TBCD: variants seen among roughly 807,000 people sequenced by gnomAD.
TBCD encodes tubulin-specific chaperone D.
Under a neutral mutation model 169.3 loss-of-function variants are expected in TBCD, and 105 were observed. That is an observed-to-expected ratio of 0.62 (90% CI 0.53 to 0.73). TBCD has a LOEUF of 0.73. Among genes scored for constraint, TBCD ranks in the 30% least tolerant of loss-of-function variants. The pLI is 0.00. For missense variants in TBCD, 1,444 were observed against 1,600.1 expected (o/e 0.90, Z 1.66); for synonymous variants, 700 against 643.9 (o/e 1.09, Z -1.32).
chr17:82,771,047 CA>C (rs36015818), intron 5 of TBCD, among the ~76,000 whole-genome samples: 4,271 of 38,646 alleles, frequency 0.11, 36 homozygotes, highest in African/African-American at 0.2. Flanking sequence ...GACTCCGTCT[CA>C]AAAAAAAAAA....
intron 13 of TBCD, among the ~76,000 whole-genome samples, chr17:82,861,048 T>C (rs1413511886): frequency 1.3e-5 from 2 of 152,188 alleles, no homozygotes; most frequent in East Asian, 3.8e-4. Context: ...CCGCGGCCCG[T>C]TGCAAGAAGA....
rs935465480 is a variant in TBCD at position 82,789,928 on chromosome 17, G to A, written c.772-7829G>A. On this transcript the variant is annotated intron_variant, in intron 7 of 38. Transcript: ENST00000355528. This position sits in a 1 kb window ranked among gnomAD's most constrained non-coding sequence, Gnocchi z 4.8. ...CTTCTGTGCTGCTGTCCGTGCATAC[G>A]GCCCAGGAGCCGGGCTCATCCCCGA... Among the ~76,000 whole-genome samples, 3 of 152,166 alleles carry A rather than the reference G, an allele frequency of 2.0e-5. No homozygotes were observed. Among genetic ancestry groups the A allele is most frequent in the African/African-American group, 7.2e-5 (3 of 41,438 alleles).
At chr17:82,764,575 G>T (rs546265939) in intron 3 of TBCD, among the ~76,000 whole-genome samples, 145 of 152,304 alleles carry the variant, frequency 9.5e-4, no homozygotes, top group African/African-American at 2.7e-3. Context: ...AACCTGAGAG[G>T]CAGAGGTTGC....
intron 23 of TBCD, among the ~76,000 whole-genome samples, chr17:82,917,576 A>C (rs1432768095): frequency 6.6e-6 from 1 of 152,224 alleles, no homozygotes; most frequent in Non-Finnish European, 1.5e-5. Context: ...TGAGGTCTGC[A>C]ATGTTCTCCT....
intron 37 of TBCD, 40 bp from the exon 38 acceptor site, chr17:82,941,359 T>G: frequency 6.5e-7 from 1 of 1,532,310 alleles, no homozygotes; most frequent in Admixed American, 1.9e-5. Flanking sequence ...GGTTCTCCGG[T>G]GGGCACTCGA....
At chr17:82,918,320 C>G (rs1048468963) in intron 23 of TBCD, 2 of 152,282 alleles carry the variant, frequency 1.3e-5, no homozygotes, top group Non-Finnish European at 2.9e-5. Flanking sequence ...CCCACAGAGA[C>G]AGCCCCTGCC....
chr17:82,773,850 C>T (rs866138279), intron 6 of TBCD, among the ~76,000 whole-genome samples: 1 of 151,932 alleles, frequency 6.6e-6, no homozygotes, highest in African/African-American at 2.4e-5. Context: ...CCTCAGCCTC[C>T]CGAGTAGCTG....
At position 82,754,974 on chromosome 17, in the gene TBCD, AG is replaced by A. The variant is rs1326381219; in HGVS notation, c.185-1190del. Among the ~76,000 whole-genome samples the A allele has an allele frequency of 2.0e-5, 3 of 152,240 alleles. 1 individual carries two copies. Among genetic ancestry groups the A allele is most frequent in the African/African-American group, 7.2e-5 (3 of 41,462 alleles). On this transcript the variant is annotated intron_variant, in intron 1 of 38. Transcript: ENST00000355528. Reference sequence around the variant, plus strand: ...AAGGTTAAGGGTGTGCCCGTGAGGCAGCCTCAGGAGGTCACATGTCCCCAAG... The same window carrying A: ...AAGGTTAAGGGTGTGCCCGTGAGGCACCTCAGGAGGTCACATGTCCCCAAG...
chr17:82,802,060 G>C (rs150527480), intron 9 of TBCD, among the ~76,000 whole-genome samples: 1 of 101,316 alleles, frequency 9.9e-6, no homozygotes. Context: ...GTGTGGACGC[G>C]CTGTGGGGGA....
At chr17:82,804,128 G>A (rs980118572) in intron 9 of TBCD, among the ~76,000 whole-genome samples, 1 of 150,612 alleles carries the variant, frequency 6.6e-6, no homozygotes, top group African/African-American at 2.4e-5. Flanking sequence ...GGGGAGAGTG[G>A]GGGCTGGGGT....
At chr17:82,879,789 T>G (rs959012584) in intron 14 of TBCD, among the ~76,000 whole-genome samples, 5 of 152,240 alleles carry the variant, frequency 3.3e-5, no homozygotes, top group African/African-American at 9.6e-5. Context: ...AGTTTACCAT[T>G]TCTGGAGTGT....
rs529061710 is a variant in TBCD at position 82,890,853 on chromosome 17, A to T, written c.1563+1156A>T. Among the ~76,000 whole-genome samples, 25 of 152,256 alleles carry T rather than the reference A, an allele frequency of 1.6e-4. No individual in the cohort carries two copies. Among genetic ancestry groups the T allele is most frequent in the African/African-American group, 5.3e-4 (22 of 41,550 alleles). ...AGCAAGAGCCGCCCAGGCCAAGGAG[A>T]ATGTGAACGAGGTTTGGTCTTTTGA... is the stretch of plus-strand genomic sequence containing the variant. On this transcript the variant is annotated intron_variant, in intron 16 of 38. Coordinates refer to ENST00000355528, the MANE Select transcript of TBCD (RefSeq NM_005993.5). This position sits in a 1 kb window ranked among gnomAD's most constrained non-coding sequence, Gnocchi z 5.3.
rs771587703 is a variant in TBCD, at chr17:82,929,128, G to A, written c.2709G>A (p.Met903Ile). ...LIEAHTCERI[M>I]CCVAQQASEK... Reference sequence around the variant, plus strand: ...CGGTTTGCAGCTGTGAGCGCATCATGTGCTGTGTGGCCCAGCAGGCCAGTG... The same window carrying A: ...CGGTTTGCAGCTGTGAGCGCATCATATGCTGTGTGGCCCAGCAGGCCAGTG... The change falls in exon 31 of 39, where the codon ATG becomes ATA. Residue 903 changes from methionine to isoleucine, a missense_variant. Physicochemically the swap from Met to Ile is conservative, Grantham distance 10 (BLOSUM62 1). Transcript: ENST00000355528. 1.9e-6 allele frequency: 3 copies of A among 1,611,820 alleles called. No homozygotes were observed. Among genetic ancestry groups the A allele is most frequent in the East Asian group, 2.2e-5 (1 of 44,866 alleles).
chr17:82,939,139 C>T (rs2062904257), intron 36 of TBCD: 2 of 593,564 alleles, frequency 3.4e-6, no homozygotes, highest in East Asian at 2.8e-5. Context: ...ATCTTCACTG[C>T]TGGGATCCTG....
At position 82,782,489 on chromosome 17, in the gene TBCD, G is replaced by A. The variant is rs533289356; in HGVS notation, c.771+768G>A. Among the ~76,000 whole-genome samples the A allele has an allele frequency of 2.6e-5, 4 of 152,276 alleles. No individual in the cohort carries two copies. The highest frequency in any genetic ancestry group is 1.9e-4 in the East Asian group (1 of 5,168). ...GGAGCCTGTGGTCCCTCTGAGGAGC[G>A]GGGCACTTTGTTCTTGTTTAAAAAA... On this transcript the variant is annotated intron_variant, in intron 7 of 38. Transcript: ENST00000355528. This position sits in a 1 kb window ranked among gnomAD's most constrained non-coding sequence, Gnocchi z 5.1.
chr17:82,892,425 T>C (rs887709199), intron 16 of TBCD, among the ~76,000 whole-genome samples: 4 of 152,146 alleles, frequency 2.6e-5, no homozygotes, highest in African/African-American at 9.7e-5. Flanking sequence ...TGCAGCAGCC[T>C]CAGGCAGAAG....
intron 18 of TBCD, among the ~76,000 whole-genome samples, chr17:82,901,512 G>T (rs983849161): frequency 6.6e-6 from 1 of 151,294 alleles, no homozygotes; most frequent in Non-Finnish European, 1.5e-5. Flanking sequence ...GGAGCGGCCC[G>T]GCTGCCTACT....
In TBCD at chr17:82,779,035, C is replaced by T. The variant is rs573125618; in HGVS notation, c.639-2554C>T. Among the ~76,000 whole-genome samples, 116 of 149,534 alleles carry T rather than the reference C, an allele frequency of 7.8e-4. 2 individuals are homozygous for T. The highest frequency in any genetic ancestry group is 3.6e-3 in the Middle Eastern group (1 of 280). On this transcript the variant is annotated intron_variant, in intron 6 of 38. Transcript: ENST00000355528. ...TTATTTATTTATTTATTTATTTTTA[C>T]GGGGTCTTGCTCTGTTGCTAGGCTG...
At chr17:82,866,115 A>G (rs188064695) in intron 13 of TBCD, among the ~76,000 whole-genome samples, 2 of 152,292 alleles carry the variant, frequency 1.3e-5, no homozygotes, top group Admixed American at 1.3e-4. Flanking sequence ...ATAACGTTAT[A>G]TAAAAGTTTA....
Sources: gnomAD v4.1 joint callset for allele counts (sites outside exome capture counted in the v4.1 genomes callset) on GRCh38, gnomAD v4.1.1 for gene constraint, Gnocchi (gnomAD v3.1) non-coding constraint, MANE v1.5 for transcripts, NCBI Gene and HGNC (gene_info 2026-07-23, HGNC 2026-07-21) for gene names.